Variants in LRBA observed in about 807,000 individuals in gnomAD.
LRBA encodes the protein lipopolysaccharide-responsive and beige-like anchor protein.
LRBA carries 176 observed loss-of-function variants against 330.0 expected under a neutral mutation model. The ratio of observed to expected loss-of-function variants is 0.53; its 90% CI spans 0.47 to 0.60. The LOEUF is 0.60. LRBA is among the 20% of genes least tolerant of loss of function. LRBA has a pLI of 0.00. For synonymous variants in LRBA, 1,230 were observed against 1,193.0 expected, an observed-to-expected ratio of 1.03 and a Z score of -0.64; for missense variants, 3,259 against 3,444.8, an observed-to-expected ratio of 0.95 and a Z score of 1.35.
At chr4:150,488,930 TAC>T (rs1260385831) in intron 41 of LRBA, among the ~76,000 whole-genome samples, 3 of 136,062 alleles carry the variant, frequency 2.2e-5, no homozygotes, top group African/African-American at 8.1e-5. Flanking sequence ...TAAGAATATA[TAC>T]ACACACGAGA....
At chr4:150,268,929 G>A (rs1370488077) in intron 56 of LRBA, among the ~76,000 whole-genome samples, 2 of 152,184 alleles carry the variant, frequency 1.3e-5, no homozygotes, top group African/African-American at 4.8e-5. Flanking sequence ...AATTGGAAAG[G>A]AGGAGTGAAA....
At chr4:150,905,807 A>G in intron 13 of LRBA, 31 bp downstream of exon 13, 5 of 1,539,476 alleles carry the variant, frequency 3.2e-6, no homozygotes, top group Non-Finnish European at 4.4e-6. Context: ...CAAAGATAGT[A>G]AAACAATATC....
At chr4:150,457,269 T>G (rs1218910299) in intron 44 of LRBA, among the ~76,000 whole-genome samples, 3 of 152,094 alleles carry the variant, frequency 2.0e-5, no homozygotes, top group Admixed American at 2.0e-4. Flanking sequence ...TGAAAAATGT[T>G]GTCTTATTAG....
chr4:150,928,447 T>A (rs1449405770), intron 4 of LRBA, 69 bp downstream of exon 4: 2 of 906,070 alleles, frequency 2.2e-6, no homozygotes, highest in Non-Finnish European at 3.5e-6. Flanking sequence ...TATCAGTTAC[T>A]TTACAAGCTA....
chr4:150,933,900 C>T (rs905385953), intron 2 of LRBA, among the ~76,000 whole-genome samples: 1 of 151,712 alleles, frequency 6.6e-6, no homozygotes, highest in Non-Finnish European at 1.5e-5. Flanking sequence ...TGGCATGTGG[C>T]TGTAGTCCCA....
intron 54 of LRBA, among the ~76,000 whole-genome samples, chr4:150,283,514 G>A (rs1347198968): frequency 1.3e-5 from 2 of 152,158 alleles, no homozygotes; most frequent in Non-Finnish European, 2.9e-5. Context: ...TACTCTACTG[G>A]CTAAATTACT....
intron 2 of LRBA, among the ~76,000 whole-genome samples, chr4:150,955,072 C>T (rs1037503037): frequency 3.4e-5 from 5 of 148,370 alleles, no homozygotes; most frequent in Non-Finnish European, 7.4e-5. Flanking sequence ...GCCCAGAGTT[C>T]GAGAATGGCC....
chr4:150,986,170 T>G (rs1453453103), intron 2 of LRBA, among the ~76,000 whole-genome samples: 1 of 152,128 alleles, frequency 6.6e-6, no homozygotes, highest in Non-Finnish European at 1.5e-5. Flanking sequence ...TACATTAAAA[T>G]AGCAGTCCCC....
Position 150,999,943 on chromosome 4 carries a change from A to G in LRBA, c.216+14484T>C, listed in dbSNP as rs1384219773. Reference sequence around the variant, plus strand: ...TTGCAAGACCCCTAGTGGATACCTAAAACCACAGATAATACCAAATGCTAT... The same window carrying G: ...TTGCAAGACCCCTAGTGGATACCTAGAACCACAGATAATACCAAATGCTAT... On this transcript the variant is annotated intron_variant, in intron 2 of 56. Coordinates refer to ENST00000651943, the MANE Select transcript of LRBA (RefSeq NM_001364905.1). Among the ~76,000 whole-genome samples, 3 of 152,196 alleles carry G rather than the reference A, an allele frequency of 2.0e-5. No individual in the cohort carries two copies. The East Asian group carries it at 5.8e-4, about 29-fold the overall frequency.
Position 150,844,583 on chromosome 4 carries a change from T to C in LRBA, c.4461+75A>G, listed in dbSNP as rs887356758. ...CTGCCAGATTTATTTAACTTTATGT[T>C]GAAATGAACAAATAAAAATCTTAAT... On this transcript the variant is annotated intron_variant, in intron 27 of 56. Transcript: ENST00000651943. 1.8e-5 allele frequency: 24 copies of C among 1,337,552 alleles called. No individual in the cohort carries two copies. In the African/African-American group the frequency reaches 2.9e-4, roughly 16 times the overall value. The allele number at this position is 1,337,552 out of a possible 1,614,324, so 82.9% of individuals were successfully genotyped here.
intron 39 of LRBA, among the ~76,000 whole-genome samples, chr4:150,589,359 G>A (rs903215280): frequency 2.6e-5 from 4 of 152,100 alleles, no homozygotes; most frequent in African/African-American, 7.2e-5. Context: ...GATGCTCTGC[G>A]GAGATCAGAG....
chr4:150,634,945 G>A (rs1235356739), intron 37 of LRBA, among the ~76,000 whole-genome samples: 2 of 152,174 alleles, frequency 1.3e-5, no homozygotes, highest in Non-Finnish European at 2.9e-5. Context: ...GAATGTGTAG[G>A]ACAATTGAAG....
intron 34 of LRBA, among the ~76,000 whole-genome samples, chr4:150,784,892 C>G (rs1738817268): frequency 6.6e-6 from 1 of 152,172 alleles, no homozygotes; most frequent in African/African-American, 2.4e-5. Flanking sequence ...GAATCTGATT[C>G]TTTACAGAGG....
intron 36 of LRBA, among the ~76,000 whole-genome samples, chr4:150,685,312 A>T (rs1373371580): frequency 1.4e-5 from 2 of 139,260 alleles, no homozygotes; most frequent in Non-Finnish European, 3.0e-5. Flanking sequence ...ATCCAAAAAA[A>T]TTGGTTTTTT....
chr4:150,720,658 A>T (rs998829926), intron 36 of LRBA, among the ~76,000 whole-genome samples: 6 of 152,152 alleles, frequency 3.9e-5, no homozygotes, highest in African/African-American at 1.4e-4. Context: ...AACAAAATAA[A>T]GTGAAAGTGG....
At chr4:150,991,502 T>C (rs999630772) in intron 2 of LRBA, among the ~76,000 whole-genome samples, 3 of 152,186 alleles carry the variant, frequency 2.0e-5, no homozygotes, top group Non-Finnish European at 2.9e-5. Context: ...GCAACTTAAT[T>C]ATGCAACGAC....
At chr4:150,884,291 G>C (rs1302157054) in intron 17 of LRBA, among the ~76,000 whole-genome samples, 2 of 146,896 alleles carry the variant, frequency 1.4e-5, no homozygotes, top group African/African-American at 5.1e-5. Flanking sequence ...GGGAACAGCA[G>C]ACCAGTTAGA....
At chr4:150,801,835 A>G (rs1179607582) in intron 33 of LRBA, among the ~76,000 whole-genome samples, 2 of 151,984 alleles carry the variant, frequency 1.3e-5, no homozygotes, top group East Asian at 1.9e-4. Context: ...TACCCCAAAA[A>G]AAGTTTTTGC....
At chr4:150,560,337 G>T (rs1027561077) in intron 40 of LRBA, among the ~76,000 whole-genome samples, 1 of 152,060 alleles carries the variant, frequency 6.6e-6, no homozygotes, top group Admixed American at 6.6e-5. Flanking sequence ...TGTGATCCTT[G>T]TTTCTTATAT....
Sources: gnomAD v4.1 joint callset for allele counts (sites outside exome capture counted in the v4.1 genomes callset) on GRCh38, gnomAD v4.1.1 for gene constraint, MANE v1.5 for transcripts, NCBI Gene and HGNC (gene_info 2026-07-23, HGNC 2026-07-21) for gene names.